GPC6: variants seen among roughly 807,000 people sequenced by gnomAD.
GPC6 encodes glypican 6, also known as glypican-6.
A neutral mutation model predicts 55.2 loss-of-function variants in GPC6; 14 were observed. That is an observed-to-expected ratio of 0.25 (90% CI 0.17 to 0.40). GPC6 has a LOEUF of 0.40. Ranked by LOEUF, GPC6 falls within the 10% of genes least tolerant of loss-of-function variation. The pLI is 1.00. For synonymous variants in GPC6, 278 were observed against 259.6 expected (o/e 1.07, Z -0.68); for missense variants, 641 against 708.5 (o/e 0.90, Z 1.08).
intron 1 of GPC6, among the ~76,000 whole-genome samples, chr13:93,275,105 A>G (rs1232515622): frequency 6.6e-6 from 1 of 152,224 alleles, no homozygotes; most frequent in Non-Finnish European, 1.5e-5. Flanking sequence ...AAACTGGGAA[A>G]GCCTCTTCTG....
intron 2 of GPC6, among the ~76,000 whole-genome samples, chr13:93,562,449 A>G (rs1875863829): frequency 6.6e-6 from 1 of 152,204 alleles, no homozygotes; most frequent in South Asian, 2.1e-4. Context: ...TCTTAACTTC[A>G]TTGCATATAG....
At chr13:93,353,911 T>C (rs1243883855) in intron 1 of GPC6, among the ~76,000 whole-genome samples, 1 of 152,252 alleles carries the variant, frequency 6.6e-6, no homozygotes, top group Non-Finnish European at 1.5e-5. Context: ...CAGGAAAGCA[T>C]ATTTTATCTA....
At chr13:93,581,043 G>A (rs930091907) in intron 2 of GPC6, among the ~76,000 whole-genome samples, 2 of 151,920 alleles carry the variant, frequency 1.3e-5, no homozygotes, top group African/African-American at 4.8e-5. Flanking sequence ...CATTATAATT[G>A]CTTTTTAAAT....
chr13:93,626,840 T>C (rs1418485713), intron 2 of GPC6, among the ~76,000 whole-genome samples: 1 of 150,948 alleles, frequency 6.6e-6, no homozygotes, highest in Non-Finnish European at 1.5e-5. Context: ...GGGTAACTTA[T>C]AAAGAAAACA....
chr13:94,028,036 A>C lies in GPC6; in HGVS notation c.877+142A>C, dbSNP rs1232418113. The C allele has an allele frequency of 6.4e-6, 5 of 784,318 alleles. No homozygotes were observed. The South Asian group carries it at 7.2e-5, about 11-fold the overall frequency. The allele number at this position is 784,318 out of a possible 1,614,324, so 48.6% of individuals were successfully genotyped here. A position where few individuals can be genotyped will look rare whatever the true frequency, so the allele number is the denominator to read the frequency against. On this transcript the variant is annotated intron_variant, in intron 4 of 8. Transcript: ENST00000377047. The stretch of plus-strand genomic sequence containing the variant: ...TCCCAGCACTTTGGGAGGCCAGTAC[A>C]GATGGATTGCTTGAGCCCAGGAGTT...
intron 1 of GPC6, among the ~76,000 whole-genome samples, chr13:93,351,700 A>C (rs1179330580): frequency 6.6e-6 from 1 of 152,200 alleles, no homozygotes; most frequent in Admixed American, 6.5e-5. Flanking sequence ...TAAGTACTCC[A>C]TAATTTGTAC....
chr13:94,115,895 C>T (rs1886416032), intron 4 of GPC6, among the ~76,000 whole-genome samples: 1 of 151,844 alleles, frequency 6.6e-6, no homozygotes, highest in Non-Finnish European at 1.5e-5. Context: ...TATAGAAGTC[C>T]TACGGTGATT....
intron 1 of GPC6, among the ~76,000 whole-genome samples, chr13:93,310,049 C>T (rs548163962): frequency 3.9e-5 from 6 of 152,174 alleles, no homozygotes; most frequent in Admixed American, 1.3e-4. Context: ...GGAAGCCTGA[C>T]GTGACTGGTT....
At position 94,220,795 on chromosome 13, in the gene GPC6, G is replaced by C. The variant is rs112945005; in HGVS notation, c.878-65554G>C. ...GTGTCCACATTTCCTATGTCAATAG[G>C]ACACTAGTCTTGTTGAATTGGGGGC... On this transcript the variant is annotated intron_variant, in intron 4 of 8. Transcript: ENST00000377047. 3.2e-4 allele frequency among the ~76,000 whole-genome samples: 48 copies of C among 152,158 alleles called. 1 individual carries two copies. Among genetic ancestry groups the C allele is most frequent in the Admixed American group, 8.5e-4 (13 of 15,268 alleles).
intron 3 of GPC6, among the ~76,000 whole-genome samples, chr13:94,008,217 A>G (rs1297636732): frequency 6.6e-6 from 1 of 152,178 alleles, no homozygotes; most frequent in East Asian, 1.9e-4. Context: ...TGCACAGAAA[A>G]CATTGAGAAT....
intron 4 of GPC6, among the ~76,000 whole-genome samples, chr13:94,051,778 T>G (rs938952573): frequency 1.3e-5 from 2 of 152,178 alleles, no homozygotes; most frequent in Non-Finnish European, 2.9e-5. Flanking sequence ...GTCTTACTCT[T>G]TAGTTTCACT....
chr13:93,683,082 C>A (rs1881913465), intron 2 of GPC6, among the ~76,000 whole-genome samples: 1 of 151,768 alleles, frequency 6.6e-6, no homozygotes, highest in South Asian at 2.1e-4. Context: ...TCCTTAATTT[C>A]CATGTAACTC....
chr13:94,377,639 G>A (rs1199547537), intron 6 of GPC6, among the ~76,000 whole-genome samples: 3 of 151,674 alleles, frequency 2.0e-5, no homozygotes, highest in Middle Eastern at 3.4e-3. Context: ...TCAGTGTGGC[G>A]ATTCCTCAGG....
intron 3 of GPC6, among the ~76,000 whole-genome samples, chr13:93,904,891 G>A (rs918744646): frequency 1.3e-5 from 2 of 151,622 alleles, no homozygotes; most frequent in Non-Finnish European, 2.9e-5. Flanking sequence ...TCGTCATCTA[G>A]CATTAGGTAT....
At chr13:93,419,587 A>G (rs1341257780) in intron 1 of GPC6, among the ~76,000 whole-genome samples, 1 of 152,094 alleles carries the variant, frequency 6.6e-6, no homozygotes, top group Non-Finnish European at 1.5e-5. Flanking sequence ...GGAAATGTGT[A>G]TTTTTATATT....
At chr13:93,967,702 C>A (rs1278585669) in intron 3 of GPC6, among the ~76,000 whole-genome samples, 1 of 152,082 alleles carries the variant, frequency 6.6e-6, no homozygotes, top group African/African-American at 2.4e-5. Context: ...TGAGATATGA[C>A]AAATATTTAA....
At chr13:93,881,308 A>G (rs151287523) in intron 3 of GPC6, among the ~76,000 whole-genome samples, 3 of 152,232 alleles carry the variant, frequency 2.0e-5, no homozygotes, top group Non-Finnish European at 4.4e-5. Context: ...GGTGTTTGCA[A>G]TTAATAGTGG....
rs963909799 is a variant in GPC6 at position 93,629,308 on chromosome 13, G to C, written c.319+83887G>C. 4.0e-5 allele frequency among the ~76,000 whole-genome samples: 6 copies of C among 151,810 alleles called. No individual in the cohort carries two copies. In the East Asian group the frequency reaches 1.2e-3, roughly 29 times the overall value. The stretch of plus-strand genomic sequence containing the variant: ...CTGAAATTCTTATTTCTCTTTTTGT[G>C]GCCTGTTATATCTAGTAGAAAAATA... On this transcript the variant is annotated intron_variant, in intron 2 of 8. Coordinates refer to ENST00000377047, the MANE Select transcript of GPC6 (RefSeq NM_005708.5).
chr13:94,174,368 T>G (rs951236373), intron 4 of GPC6, among the ~76,000 whole-genome samples: 8 of 151,940 alleles, frequency 5.3e-5, no homozygotes, highest in Admixed American at 3.9e-4. Context: ...TCAAATAGGG[T>G]AAATCAATGG....
Sources: allele counts gnomAD v4.1 joint callset (sites outside exome capture counted in the v4.1 genomes callset), GRCh38; gene constraint gnomAD v4.1.1; transcripts MANE v1.5; gene names NCBI Gene and HGNC (gene_info 2026-07-23, HGNC 2026-07-21).